ADAM17: variants seen among roughly 807,000 people sequenced by gnomAD.
ADAM17 encodes the protein ADAM metallopeptidase domain 17.
ADAM17 carries 39 observed loss-of-function variants against 96.7 expected under a neutral mutation model. The observed-to-expected ratio is 0.40, with a 90% CI of 0.31 to 0.53. The LOEUF is 0.53. ADAM17 is among the 20% of genes least tolerant of loss of function. The pLI, the probability that ADAM17 is intolerant of heterozygous loss-of-function variation, is 0.44. For missense variants in ADAM17, 777 were observed against 1,013.2 expected, an observed-to-expected ratio of 0.77 and a Z score of 3.17; for synonymous variants, 344 against 359.2, an observed-to-expected ratio of 0.96 and a Z score of 0.48.
At chr2:9,507,374 C>A (rs911797824) in intron 11 of ADAM17, among the ~76,000 whole-genome samples, 3 of 152,034 alleles carry the variant, frequency 2.0e-5, no homozygotes, top group Non-Finnish European at 2.9e-5. Context: ...TGGTGGCATG[C>A]ACCTGTAACC....
chr2:9,535,910 G>C lies in ADAM17; in HGVS notation c.374C>G (p.Ser125Cys). ...ATCTCTTATGTGGGCTAGAACCCTA[G>C]AGTCAGGCTCACCTTAAGAGAAAAA... ...FTGHVVGEPD[S>C]RVLAHIRDDD... is the part of the protein sequence containing the mutation. The change falls in exon 4 of 19, where the codon TCT (serine) becomes TGT (cysteine). Residue 125 changes from serine (S) to cysteine (C), a missense_variant. Coordinates refer to ENST00000310823, the MANE Select transcript of ADAM17 (RefSeq NM_003183.6). 1 of 1,580,042 alleles carries C rather than the reference G, an allele frequency of 6.3e-7. No homozygotes were observed. The highest frequency in any genetic ancestry group is 8.6e-7 in the Non-Finnish European group (1 of 1,164,436).
chr2:9,551,072 C>CA (rs752876279), intron 1 of ADAM17, among the ~76,000 whole-genome samples: 12,066 of 120,096 alleles, frequency 0.1, 1,097 homozygotes, highest in African/African-American at 0.26. Flanking sequence ...GACTCTGTCT[C>CA]AAAAAAAAAA....
At chr2:9,540,386 ATT>A (rs776220703) in intron 2 of ADAM17, among the ~76,000 whole-genome samples, 3 of 145,764 alleles carry the variant, frequency 2.1e-5, no homozygotes, top group Non-Finnish European at 1.5e-5. Context: ...CTAAGCCTTA[ATT>A]TTTTTTTTTT....
At chr2:9,501,984 AAG>A (rs1663032333) in intron 13 of ADAM17, among the ~76,000 whole-genome samples, 187 bp downstream of exon 13, 2 of 152,038 alleles carry the variant, frequency 1.3e-5, no homozygotes, top group Admixed American at 1.3e-4. Context: ...ATGGAAATGA[AAG>A]AGAAATAGAA....
In ADAM17 at chr2:9,494,757, G is replaced by GT. The variant is rs1662434135; in HGVS notation, c.1793dup (p.Asn598LysfsTer21). 6.2e-7 allele frequency: 1 copy of GT among 1,613,968 alleles called. No homozygotes were observed. The highest frequency in any genetic ancestry group is 8.5e-7 in the Non-Finnish European group (1 of 1,179,910). Reference sequence around the variant, plus strand: ...GGTCCCTGCAGCACACCTTGCAGGAGTTGTCAGTTTCTGGAACAGAGAACA... The same window carrying GT: ...GGTCCCTGCAGCACACCTTGCAGGAGTTTGTCAGTTTCTGGAACAGAGAACA... On this transcript the variant is annotated frameshift_variant, in exon 15 of 19. Coordinates refer to ENST00000310823, the MANE Select transcript of ADAM17 (RefSeq NM_003183.6). LOFTEE classifies it high-confidence loss of function.
chr2:9,488,746 A>C lies in ADAM17; in HGVS notation c.*1431T>G, dbSNP rs1661808010. ...GACTAGTTAAAAGATAGCAAATACC[A>C]TAAGGTACAAGTTCAAGTATTAGTA... On this transcript the variant is annotated 3_prime_UTR_variant, in exon 19 of 19. Coordinates refer to ENST00000310823, the MANE Select transcript of ADAM17 (RefSeq NM_003183.6). 1 of 153,308 alleles carries C rather than the reference A, an allele frequency of 6.5e-6. No homozygotes were observed. The highest frequency in any genetic ancestry group is 2.4e-5 in the African/African-American group (1 of 41,490). 9.5% of individuals were successfully genotyped at this position (153,308 alleles called of 1,614,324 possible).
chr2:9,546,399 A>C (rs1665405022), intron 1 of ADAM17, among the ~76,000 whole-genome samples: 1 of 152,218 alleles, frequency 6.6e-6, no homozygotes, highest in Non-Finnish European at 1.5e-5. Context: ...ACTATAGTAA[A>C]AACAGTTCTT....
At chr2:9,528,166 T>C (rs1364030687) in intron 4 of ADAM17, among the ~76,000 whole-genome samples, 6 of 152,254 alleles carry the variant, frequency 3.9e-5, no homozygotes, top group Non-Finnish European at 8.8e-5. Context: ...ACTCTGATTA[T>C]TTTATCTGTA....
Position 9,532,891 on chromosome 2 carries a change from G to GA in ADAM17, c.450+2942dup, listed in dbSNP as rs551621271. ...CCTATTTTTCCAAAAGGAAGTATTT[G>GA]AAAAAAATGAGTAATCTAGCTGGGC... On this transcript the variant is annotated intron_variant, in intron 4 of 18. Coordinates refer to ENST00000310823, the MANE Select transcript of ADAM17 (RefSeq NM_003183.6). Among the ~76,000 whole-genome samples, 8 of 152,104 alleles carry GA rather than the reference G, an allele frequency of 5.3e-5. No individual in the cohort carries two copies. In the South Asian group the frequency reaches 1.7e-3, roughly 32 times the overall value.
chr2:9,529,823 C>T (rs1176084756), intron 4 of ADAM17, among the ~76,000 whole-genome samples: 1 of 151,744 alleles, frequency 6.6e-6, no homozygotes, highest in Non-Finnish European at 1.5e-5. Flanking sequence ...ACACAAAAAT[C>T]AGCCGGGCAT....
At position 9,493,759 on chromosome 2, in the gene ADAM17, T is replaced by A. The variant is rs757433621; in HGVS notation, c.1981A>T (p.Ile661Phe). ...GGAAATCACCTACCAAAAGTATTGATGCTCAGCTGGTCAATGAAATCCCAA... is the reference window on the plus strand; with the variant it reads ...GGAAATCACCTACCAAAAGTATTGAAGCTCAGCTGGTCAATGAAATCCCAA... ...RFWDFIDQLS[I>F]NTFGKFLADN... Residue 661 changes from isoleucine (I) to phenylalanine (F), a missense_variant, in exon 16 of 19, where the codon ATC (isoleucine) becomes TTC (phenylalanine). Coordinates refer to ENST00000310823, the MANE Select transcript of ADAM17 (RefSeq NM_003183.6). The A allele has an allele frequency of 6.2e-7, 1 of 1,613,908 alleles. No individual in the cohort carries two copies. The highest frequency in any genetic ancestry group is 1.7e-5 in the Admixed American group (1 of 60,010).
chr2:9,490,565 C>G, intron 18 of ADAM17, 47 bp from the exon 19 acceptor site: 1 of 1,533,086 alleles, frequency 6.5e-7, no homozygotes, highest in Non-Finnish European at 8.8e-7. Context: ...AAAGATGAAT[C>G]GGAGGTCCTC....
At chr2:9,521,517 T>C (rs1445937337) in intron 7 of ADAM17, 1 of 273,742 alleles carries the variant, frequency 3.7e-6, no homozygotes, top group Admixed American at 5.0e-5. Flanking sequence ...CATATGTCAA[T>C]GAATTATTTA....
At chr2:9,539,923 C>A (rs921992156) in intron 2 of ADAM17, among the ~76,000 whole-genome samples, 1 of 152,126 alleles carries the variant, frequency 6.6e-6, no homozygotes, top group Non-Finnish European at 1.5e-5. Context: ...TTTTAAAACA[C>A]CTGGTATAAA....
chr2:9,552,513 TG>T (rs1665616999), intron 1 of ADAM17, among the ~76,000 whole-genome samples: 1 of 152,182 alleles, frequency 6.6e-6, no homozygotes, highest in South Asian at 2.1e-4. Context: ...CTGAGTAAAA[TG>T]GTGCTGTCAA....
Position 9,521,291 on chromosome 2 carries a change from T to G in ADAM17, c.869A>C (p.Glu290Ala). The G allele has an allele frequency of 2.5e-6, 4 of 1,609,984 alleles. No homozygotes were observed. Among genetic ancestry groups the G allele is most frequent in the Non-Finnish European group, 3.4e-6 (4 of 1,176,368 alleles). Residue 290 changes from glutamate (E) to alanine (A), a missense_variant, in exon 8 of 19, where the codon GAG becomes GCG. Physicochemically the swap from Glu to Ala is moderately radical, Grantham distance 107 (BLOSUM62 -1). Around this residue, in one of 3 missense-constraint regions of ADAM17, gnomAD observed 446 missense variants for 664.7 expected, o/e 0.67. Transcript: ENST00000310823. ...GTAGTGCTTTTCACCAGGTTTTACC[T>G]CTTGTGGAGACTTGAGAATGCGAAT... is the stretch of plus-strand genomic sequence containing the variant. ...EQIRILKSPQ[E>A]VKPGEKHYNM...
intron 4 of ADAM17, among the ~76,000 whole-genome samples, chr2:9,532,955 C>A (rs1009130498): frequency 6.6e-6 from 1 of 152,058 alleles, no homozygotes; most frequent in Non-Finnish European, 1.5e-5. Flanking sequence ...CTTTGGGAGG[C>A]CAAGATGGGC....
chr2:9,542,035 CA>C (rs1665226001), intron 2 of ADAM17, among the ~76,000 whole-genome samples: 1 of 151,980 alleles, frequency 6.6e-6, no homozygotes, highest in Non-Finnish European at 1.5e-5. Flanking sequence ...GCAAGACTCT[CA>C]AAAAAATAAA....
chr2:9,547,823 G>A (rs1050651519), intron 1 of ADAM17, among the ~76,000 whole-genome samples: 1 of 152,130 alleles, frequency 6.6e-6, no homozygotes, highest in African/African-American at 2.4e-5. Context: ...GCCAAGATGG[G>A]TAGATCGCTT....
Sources: allele counts gnomAD v4.1 joint callset (sites outside exome capture counted in the v4.1 genomes callset), GRCh38; gene constraint gnomAD v4.1.1; regional missense constraint gnomAD v4.1.1; transcripts MANE v1.5; gene names NCBI Gene and HGNC (gene_info 2026-07-23, HGNC 2026-07-21).